The following PLEKHM3 variants were observed in gnomAD, a reference collection of about 807,000 sequenced individuals.
PLEKHM3 encodes the protein pleckstrin homology domain-containing family M member 3.
A neutral mutation model predicts 81.8 loss-of-function variants in PLEKHM3; 45 were observed. That is an observed-to-expected ratio of 0.55 (90% CI 0.43 to 0.71). The LOEUF (loss-of-function observed/expected upper bound fraction) is 0.71. Among genes scored for constraint, PLEKHM3 ranks in the 30% least tolerant of loss-of-function variants. The pLI is 0.00. For synonymous variants in PLEKHM3, 352 were observed against 356.4 expected, an observed-to-expected ratio of 0.99 and a Z score of 0.14; for missense variants, 788 against 924.3, an observed-to-expected ratio of 0.85 and a Z score of 1.91.
chr2:208,001,991 T>C (rs1692324352), intron 1 of PLEKHM3, 34 bp from the exon 2 acceptor site: 1 of 275,622 alleles, frequency 3.6e-6, no homozygotes, highest in East Asian at 8.8e-5. Context: ...CATTGGCACA[T>C]GGTTCATTGT....
intron 6 of PLEKHM3, among the ~76,000 whole-genome samples, chr2:207,886,597 A>C (rs1687892197): frequency 6.6e-6 from 1 of 152,214 alleles, no homozygotes; most frequent in East Asian, 1.9e-4. Flanking sequence ...CAGATGCTGC[A>C]AGGCCCTGAG....
At chr2:207,833,831 T>G (rs1315507598) in intron 7 of PLEKHM3, among the ~76,000 whole-genome samples, 1 of 152,224 alleles carries the variant, frequency 6.6e-6, no homozygotes, top group Non-Finnish European at 1.5e-5. Flanking sequence ...CCACACTGAA[T>G]TTGCAAGTGT....
At position 207,946,462 on chromosome 2, in the gene PLEKHM3, A is replaced by G. The variant is rs1346895775; in HGVS notation, c.1597T>C (p.Tyr533His). The G allele has an allele frequency of 6.2e-7, 1 of 1,614,220 alleles. No individual in the cohort carries two copies. The highest frequency in any genetic ancestry group is 1.7e-5 in the Admixed American group (1 of 60,028). The change falls in exon 4 of 8, where the codon TAC becomes CAC. Residue 533 changes from tyrosine (Y) to histidine (H), a missense_variant. By Grantham distance (83) the Tyr-to-His change is moderately conservative. Transcript: ENST00000427836. ...LSNGKAKVCN[Y>H]SGWYYCSSCH... ...CTACTGCAGTAATACCACCCACTGT[A>G]GTTGCACACCTTGGCTTTCCCATTG... is the stretch of plus-strand genomic sequence containing the variant.
Position 207,977,043 on chromosome 2 carries a change from C to A in PLEKHM3, c.1154G>T (p.Ser385Ile). Residue 385 changes from serine to isoleucine, a missense_variant, in exon 3 of 8, where the codon AGC (serine) becomes ATC (isoleucine). By Grantham distance (142) the Ser-to-Ile change is moderately radical (BLOSUM62 -2). Coordinates refer to ENST00000427836, the MANE Select transcript of PLEKHM3 (RefSeq NM_001080475.3). ...NNWKAFTFVL[S>I]RAYLMAFQPG... ...CTGAAAAGCCATAAGGTAAGCCCTGCTCAGCACAAATGTAAATGCCTTCCA... is the reference window on the plus strand; with the variant it reads ...CTGAAAAGCCATAAGGTAAGCCCTGATCAGCACAAATGTAAATGCCTTCCA... 6.2e-7 allele frequency: 1 copy of A among 1,614,240 alleles called. No individual in the cohort carries two copies.
rs556220015 is a variant in PLEKHM3, at chr2:207,843,146, C to T, written c.2109-14650G>A. Among the ~76,000 whole-genome samples, 21 of 152,214 alleles carry T rather than the reference C, an allele frequency of 1.4e-4. No individual in the cohort carries two copies. Among genetic ancestry groups the T allele is most frequent in the Non-Finnish European group, 2.4e-4 (16 of 67,992 alleles). ...TGTATTTTTTGGAGAGATGGGGTCT[C>T]GCCATGTTGCCCAGGCTGGTCTCAA... On this transcript the variant is annotated intron_variant, in intron 7 of 7. Transcript: ENST00000427836. This position sits in a 1 kb window ranked among gnomAD's most constrained non-coding sequence, Gnocchi z 4.4.
At chr2:207,889,865 T>G (rs149339283) in intron 6 of PLEKHM3, among the ~76,000 whole-genome samples, 3,304 of 152,164 alleles carry the variant, frequency 0.022, 116 homozygotes, top group African/African-American at 0.075. Flanking sequence ...GTGCAGTGGC[T>G]TGATCTCGGC....
At chr2:207,854,475 TTTTA>T (rs1161521477) in intron 7 of PLEKHM3, among the ~76,000 whole-genome samples, 7 of 152,234 alleles carry the variant, frequency 4.6e-5, no homozygotes, top group South Asian at 2.1e-4. Flanking sequence ...TCAAATTTAT[TTTTA>T]TTTATCACAT....
chr2:207,908,477 A>C (rs1256767370), intron 6 of PLEKHM3, 37 bp downstream of exon 6: 1 of 1,577,332 alleles, frequency 6.3e-7, no homozygotes, highest in Non-Finnish European at 8.7e-7. Flanking sequence ...TTCTCCAGGA[A>C]AGCAACAAAA....
At chr2:207,929,793 C>T in intron 5 of PLEKHM3, 1 of 573,234 alleles carries the variant, frequency 1.7e-6, no homozygotes. Flanking sequence ...ACATTTAGTT[C>T]TTTTTTAGAT....
chr2:207,942,199 C>A (rs1689963092), intron 4 of PLEKHM3, among the ~76,000 whole-genome samples: 1 of 152,156 alleles, frequency 6.6e-6, no homozygotes, highest in South Asian at 2.1e-4. Flanking sequence ...TATATATGCA[C>A]AATGGGATAT....
At chr2:207,941,649 C>T (rs1326960334) in intron 4 of PLEKHM3, among the ~76,000 whole-genome samples, 1 of 152,020 alleles carries the variant, frequency 6.6e-6, no homozygotes, top group Non-Finnish European at 1.5e-5. Flanking sequence ...AAAGCTTCTG[C>T]ATAGCAAAAG....
chr2:207,924,521 T>G (rs1048326409), intron 5 of PLEKHM3, among the ~76,000 whole-genome samples: 1 of 151,916 alleles, frequency 6.6e-6, no homozygotes, highest in Non-Finnish European at 1.5e-5. Context: ...CTGTCTCTAC[T>G]AAAAATACAA....
chr2:207,916,644 A>C (rs963124943), intron 5 of PLEKHM3, among the ~76,000 whole-genome samples: 9 of 152,194 alleles, frequency 5.9e-5, no homozygotes, highest in African/African-American at 2.2e-4. Flanking sequence ...GCTGCTAGGA[A>C]TGCTGAAACA....
At chr2:207,951,394 G>C (rs1690323146) in intron 3 of PLEKHM3, among the ~76,000 whole-genome samples, 1 of 152,068 alleles carries the variant, frequency 6.6e-6, no homozygotes, top group Admixed American at 6.6e-5. Context: ...CTAAATTAAA[G>C]GGCATTTGTA....
At chr2:207,934,146 T>C (rs1689675259) in intron 4 of PLEKHM3, among the ~76,000 whole-genome samples, 4 of 152,230 alleles carry the variant, frequency 2.6e-5, no homozygotes, top group Admixed American at 2.6e-4. Context: ...TCTTAGGTGA[T>C]AAAGTTTATG....
chr2:207,977,687 G>T, intron 2 of PLEKHM3, 101 bp from the exon 3 acceptor site: 1 of 977,902 alleles, frequency 1.0e-6, no homozygotes, highest in Non-Finnish European at 1.5e-6. Flanking sequence ...ACACAGATCA[G>T]GGACTGACAG....
chr2:207,923,709 T>G (rs1435003720), intron 5 of PLEKHM3, among the ~76,000 whole-genome samples: 1 of 150,742 alleles, frequency 6.6e-6, no homozygotes, highest in African/African-American at 2.4e-5. Context: ...AGGGAAGAAT[T>G]TGGCTCTTAG....
At position 207,845,109 on chromosome 2, in the gene PLEKHM3, T is replaced by C. The variant is rs141697135; in HGVS notation, c.2108+15996A>G. Among the ~76,000 whole-genome samples the C allele has an allele frequency of 2.8e-3, 432 of 152,310 alleles. 5 individuals carry two copies. The highest frequency in any genetic ancestry group is 9.8e-3 in the African/African-American group (408 of 41,572). ...TGTGAAGATGTTTCCTGAGGTAGCA[T>C]TGTTAAGTGGTTTAAATATTCAGAA... On this transcript the variant is annotated intron_variant, in intron 7 of 7. Transcript: ENST00000427836.
chr2:207,993,782 A>T (rs1460042599), intron 2 of PLEKHM3, among the ~76,000 whole-genome samples: 2 of 152,142 alleles, frequency 1.3e-5, no homozygotes, highest in Non-Finnish European at 2.9e-5. Context: ...AGTAAGTTAG[A>T]TTCTGGCAGT....
Sources: allele counts gnomAD v4.1 joint callset (sites outside exome capture counted in the v4.1 genomes callset), GRCh38; gene constraint gnomAD v4.1.1; non-coding constraint Gnocchi (gnomAD v3.1); transcripts MANE v1.5; gene names NCBI Gene and HGNC (gene_info 2026-07-23, HGNC 2026-07-21).